CUEDC1: variants seen among roughly 807,000 people sequenced by gnomAD.
CUEDC1 encodes the protein CUE domain-containing protein 1.
Under a neutral mutation model 43.7 loss-of-function variants are expected in CUEDC1, and 30 were observed. The ratio of observed to expected loss-of-function variants is 0.69; its 90% CI spans 0.51 to 0.93. CUEDC1 has a LOEUF of 0.93. Among genes scored for constraint, CUEDC1 ranks in the 40% least tolerant of loss-of-function variants. CUEDC1 has a pLI of 0.00. For missense variants in CUEDC1, 486 were observed against 549.0 expected (o/e 0.89, Z 1.15); for synonymous variants, 223 against 223.6 (o/e 1.00, Z 0.02).
intron 10 of CUEDC1, among the ~76,000 whole-genome samples, chr17:57,864,164 G>A (rs1354235007): frequency 2.6e-5 from 4 of 152,072 alleles, no homozygotes; most frequent in African/African-American, 2.4e-5. Flanking sequence ...CATCTATCAG[G>A]GTGGTAATGG....
chr17:57,902,806 G>GT (rs1021118958), intron 1 of CUEDC1, among the ~76,000 whole-genome samples: 1 of 152,232 alleles, frequency 6.6e-6, no homozygotes, highest in African/African-American at 2.4e-5. Flanking sequence ...AGCTGGCCCA[G>GT]GTGCCATGCC....
intron 1 of CUEDC1, among the ~76,000 whole-genome samples, chr17:57,891,774 C>T (rs1449870111): frequency 6.6e-6 from 1 of 152,222 alleles, no homozygotes. Flanking sequence ...GGCTCCCTTC[C>T]TTCTGGTCCC....
chr17:57,867,755 G>A, intron 8 of CUEDC1: 1 of 476,588 alleles, frequency 2.1e-6, no homozygotes, highest in Non-Finnish European at 3.8e-6. Context: ...TCTACTCGAG[G>A]AAGGGAGGGC....
At chr17:57,913,488 A>G (rs1225508151) in intron 1 of CUEDC1, among the ~76,000 whole-genome samples, 1 of 152,144 alleles carries the variant, frequency 6.6e-6, no homozygotes, top group African/African-American at 2.4e-5. Context: ...AAAAAGGCCC[A>G]TGTGTCTTTG....
intron 2 of CUEDC1, among the ~76,000 whole-genome samples, chr17:57,881,365 C>A (rs1255277756): frequency 6.6e-6 from 1 of 152,240 alleles, no homozygotes; most frequent in African/African-American, 2.4e-5. Flanking sequence ...CAGGCCACTG[C>A]TCTGCTTACC....
intron 1 of CUEDC1, among the ~76,000 whole-genome samples, chr17:57,923,217 C>A (rs1381373999): frequency 6.6e-6 from 1 of 152,188 alleles, no homozygotes; most frequent in East Asian, 1.9e-4. Flanking sequence ...AGGTGTTGGG[C>A]AGATGGCTGG....
chr17:57,942,988 A>G lies in CUEDC1; in HGVS notation c.-316+12237T>C, dbSNP rs1039509542. On this transcript the variant is annotated intron_variant, in intron 1 of 10. Coordinates refer to ENST00000577830, the MANE Select transcript of CUEDC1 (RefSeq NM_001271875.2). ...GCTTGCAGTGAGCCGAGATCGCGCCACTGCACTCCAGCCTGGGTGACGGAG... is the reference window on the plus strand; with the variant it reads ...GCTTGCAGTGAGCCGAGATCGCGCCGCTGCACTCCAGCCTGGGTGACGGAG... Among the ~76,000 whole-genome samples the G allele has an allele frequency of 3.9e-4, 60 of 152,104 alleles. 1 individual carries two copies. Among genetic ancestry groups the G allele is most frequent in the Admixed American group, 1.4e-3 (21 of 15,288 alleles).
intron 1 of CUEDC1, among the ~76,000 whole-genome samples, chr17:57,948,196 A>G (rs1402902656): frequency 6.6e-6 from 1 of 152,182 alleles, no homozygotes; most frequent in African/African-American, 2.4e-5. Context: ...AGGTGCATCT[A>G]GGAGATAACC....
intron 1 of CUEDC1, among the ~76,000 whole-genome samples, chr17:57,944,218 T>A (rs1386472370): frequency 1.2e-3 from 176 of 145,956 alleles, no homozygotes; most frequent in African/African-American, 4.1e-3. Flanking sequence ...ATATTTTTTT[T>A]TTTTTTTTTG....
At position 57,899,598 on chromosome 17, in the gene CUEDC1, A is replaced by C. The variant is rs1419622041; in HGVS notation, c.-315-13719T>G. Among the ~76,000 whole-genome samples, 6 of 152,110 alleles carry C rather than the reference A, an allele frequency of 3.9e-5. 1 individual carries two copies. In the East Asian group the frequency reaches 1.2e-3, roughly 29 times the overall value. ...AGCAGCACATGCCAGCACACAGCTC[A>C]CATGCCTGCATGTGCTAACAGGCTC... On this transcript the variant is annotated intron_variant, in intron 1 of 10. Coordinates refer to ENST00000577830, the MANE Select transcript of CUEDC1 (RefSeq NM_001271875.2).
At chr17:57,890,484 C>CA (rs1000900865) in intron 1 of CUEDC1, among the ~76,000 whole-genome samples, 7 of 152,242 alleles carry the variant, frequency 4.6e-5, no homozygotes, top group African/African-American at 1.7e-4. Flanking sequence ...CCACTGGGCT[C>CA]ATCAGACCTC....
At chr17:57,880,599 C>T (rs1459307753) in intron 2 of CUEDC1, among the ~76,000 whole-genome samples, 1 of 152,192 alleles carries the variant, frequency 6.6e-6, no homozygotes, top group Non-Finnish European at 1.5e-5. Context: ...TCCTGCTCCA[C>T]TGACCGACTT....
At chr17:57,934,836 T>G (rs2074844918) in intron 1 of CUEDC1, among the ~76,000 whole-genome samples, 1 of 151,852 alleles carries the variant, frequency 6.6e-6, no homozygotes, top group African/African-American at 2.4e-5. Context: ...GCCTCCCGAG[T>G]AGCTGGGATT....
intron 10 of CUEDC1, among the ~76,000 whole-genome samples, chr17:57,865,885 C>T (rs551455774): frequency 3.1e-4 from 47 of 150,792 alleles, no homozygotes; most frequent in African/African-American, 9.8e-4. Context: ...TGCAATGGCG[C>T]GATCTCAGCT....
At chr17:57,867,760 G>A in intron 8 of CUEDC1, 1 of 474,850 alleles carries the variant, frequency 2.1e-6, no homozygotes, top group South Asian at 2.9e-5. Flanking sequence ...TCGAGGAAGG[G>A]AGGGCCAACA....
At position 57,885,748 on chromosome 17, in the gene CUEDC1, G is replaced by C. The variant is rs1027956022; in HGVS notation, c.-184C>G. 2.0e-6 allele frequency: 2 copies of C among 990,662 alleles called. No homozygotes were observed. Among genetic ancestry groups the C allele is most frequent in the African/African-American group, 3.4e-5 (2 of 58,306 alleles). The allele number at this position is 990,662 out of a possible 1,614,324, so 61.4% of individuals were successfully genotyped here. On this transcript the variant is annotated 5_prime_UTR_variant, in exon 2 of 11. Transcript: ENST00000577830. ...CTCCGGGTTAGGAGAGTACGGGCGC[G>C]GGGCCCCAGGCAGCCCTTGGAGAGC... is the stretch of plus-strand genomic sequence containing the variant.
At chr17:57,883,184 C>T (rs2074239726) in intron 2 of CUEDC1, among the ~76,000 whole-genome samples, 1 of 152,188 alleles carries the variant, frequency 6.6e-6, no homozygotes, top group South Asian at 2.1e-4. Flanking sequence ...TGTACAAAGA[C>T]AGCAGCAACA....
At chr17:57,933,540 G>A in intron 1 of CUEDC1, among the ~76,000 whole-genome samples, 1 of 152,182 alleles carries the variant, frequency 6.6e-6, no homozygotes, top group East Asian at 1.9e-4. Flanking sequence ...GCAAAGGGAG[G>A]AAGGGACAGA....
chr17:57,884,200 T>C (rs973675513), intron 2 of CUEDC1, among the ~76,000 whole-genome samples: 16 of 140,400 alleles, frequency 1.1e-4, no homozygotes, highest in East Asian at 1.0e-3. Flanking sequence ...TTCTTTTTTT[T>C]TTTTTTTTTT....
Sources: gnomAD v4.1 joint callset for allele counts (sites outside exome capture counted in the v4.1 genomes callset) on GRCh38, gnomAD v4.1.1 for gene constraint, MANE v1.5 for transcripts, NCBI Gene and HGNC (gene_info 2026-07-23, HGNC 2026-07-21) for gene names.